The following KIAA1217 variants were observed in gnomAD, a reference collection of about 807,000 sequenced individuals.
KIAA1217 encodes sickle tail protein homolog.
Under a neutral mutation model 163.9 loss-of-function variants are expected in KIAA1217, and 88 were observed. The observed-to-expected ratio is 0.54, with a 90% confidence interval of 0.45 to 0.64. The LOEUF is 0.64. KIAA1217 is among the 30% of genes least tolerant of loss of function. The pLI is 0.00. For synonymous variants in KIAA1217, 903 were observed against 923.1 expected (o/e 0.98, Z 0.39); for missense variants, 2,372 against 2,475.0 (o/e 0.96, Z 0.88).
chr10:24,350,455 T>C (rs2048320215), intron 2 of KIAA1217, among the ~76,000 whole-genome samples: 1 of 152,194 alleles, frequency 6.6e-6, no homozygotes, highest in Non-Finnish European at 1.5e-5. Context: ...TCTCAGACAA[T>C]ATCATAGATA....
Position 24,382,964 on chromosome 10 carries a change from C to T in KIAA1217, c.553+1897C>T, listed in dbSNP as rs368056419. Among the ~76,000 whole-genome samples the T allele has an allele frequency of 2.1e-4, 32 of 151,480 alleles. No homozygotes were observed. In the East Asian group the frequency reaches 3.3e-3, roughly 16 times the overall value. ...CCACGTTCAAGGGATCCTCCCATCT[C>T]AGCCTTCAGAGTAGATGGGACTACA... On this transcript the variant is annotated intron_variant, in intron 3 of 20. Coordinates refer to ENST00000376454, the MANE Select transcript of KIAA1217 (RefSeq NM_019590.5).
chr10:23,826,202 G>GT (rs756294630), intron 1 of KIAA1217, among the ~76,000 whole-genome samples: 11 of 151,926 alleles, frequency 7.2e-5, no homozygotes, highest in Non-Finnish European at 1.6e-4. Context: ...AAAAAAAAGT[G>GT]TAAGTAGTTA....
chr10:23,735,655 G>T (rs2130797975), intron 1 of KIAA1217, among the ~76,000 whole-genome samples: 1 of 151,180 alleles, frequency 6.6e-6, no homozygotes, highest in South Asian at 2.1e-4. Flanking sequence ...ATTCTCATTG[G>T]GCTCAATGAG....
chr10:24,053,865 C>A (rs905434309), intron 2 of KIAA1217, among the ~76,000 whole-genome samples: 10 of 151,952 alleles, frequency 6.6e-5, no homozygotes, highest in Non-Finnish European at 1.5e-4. Context: ...AATATGAGTT[C>A]ACCAGGTAGA....
chr10:23,699,253 G>C (rs921857390), intron 1 of KIAA1217, among the ~76,000 whole-genome samples: 1 of 152,220 alleles, frequency 6.6e-6, no homozygotes, highest in Non-Finnish European at 1.5e-5. Context: ...AGTCAGTGAA[G>C]CTTGGACTGG....
chr10:23,699,537 G>A (rs1158078108), intron 1 of KIAA1217, among the ~76,000 whole-genome samples: 2 of 152,190 alleles, frequency 1.3e-5, no homozygotes, highest in Non-Finnish European at 2.9e-5. Flanking sequence ...TCTGGAAGGA[G>A]GCACCTGTGT....
intron 1 of KIAA1217, among the ~76,000 whole-genome samples, chr10:23,756,278 AG>A (rs1833915786): frequency 6.6e-6 from 1 of 152,112 alleles, no homozygotes; most frequent in African/African-American, 2.4e-5. Context: ...CCTATTTTAA[AG>A]AAGTATAAGG....
At position 23,790,382 on chromosome 10, in the gene KIAA1217, TATACATATGTATATATACATATATAC is replaced by T. The variant is rs1564423227; in HGVS notation, c.-321+95152_-321+95177del. Among the ~76,000 whole-genome samples, 9 of 92,776 alleles carry T rather than the reference TATACATATGTATATATACATATATAC, an allele frequency of 9.7e-5. 3 individuals carry two copies. The highest frequency in any genetic ancestry group is 2.0e-4 in the African/African-American group (5 of 24,618). The allele number at this position is 92,776 out of a possible 152,430, so 60.9% of individuals were successfully genotyped here. A position where few individuals can be genotyped will look rare whatever the true frequency, so the allele number is the denominator to read the frequency against. On this transcript the variant is annotated intron_variant, in intron 1 of 18. Transcript: ENST00000376462. ...GCATATATACATATACATATGTATA[TATACATATGTATATATACATATATAC>T]ATATACATATATACATATATACATA...
intron 1 of KIAA1217, among the ~76,000 whole-genome samples, chr10:23,775,846 A>C (rs911621474): frequency 3.9e-5 from 6 of 152,178 alleles, no homozygotes; most frequent in African/African-American, 1.4e-4. Flanking sequence ...TCCATCACAG[A>C]CTTTTTTTCC....
At chr10:24,540,391 G>A (rs930823246) in intron 17 of KIAA1217, among the ~76,000 whole-genome samples, 6 of 151,986 alleles carry the variant, frequency 3.9e-5, no homozygotes, top group Admixed American at 6.5e-5. Flanking sequence ...GTGCCACCAC[G>A]CCTGGCTAAT....
chr10:23,718,678 A>C lies in KIAA1217; in HGVS notation c.-321+23444A>C, dbSNP rs529662046. On this transcript the variant is annotated intron_variant, in intron 1 of 18. Transcript: ENST00000376462. ...ACAGAGATCTGTTTAGTGAAAAAAC[A>C]TAAGTGATAGGATTTCTCTTTGTTA... 3.8e-4 allele frequency among the ~76,000 whole-genome samples: 58 copies of C among 152,310 alleles called. 2 individuals carry two copies. In the South Asian group the frequency reaches 0.012, roughly 30 times the overall value.
At chr10:24,239,484 G>C (rs1387109487) in intron 2 of KIAA1217, 2 of 140,346 alleles carry the variant, frequency 1.4e-5, no homozygotes, top group African/African-American at 5.8e-5. Context: ...CTAAAGGGCT[G>C]TTTTTAAGGG....
chr10:23,885,985 C>T (rs917243579), intron 1 of KIAA1217, among the ~76,000 whole-genome samples: 8 of 151,838 alleles, frequency 5.3e-5, no homozygotes, highest in Non-Finnish European at 7.4e-5. Context: ...AGAGTTACTT[C>T]CCATCATCAC....
intron 2 of KIAA1217, among the ~76,000 whole-genome samples, chr10:24,320,726 A>G (rs563930652): frequency 6.6e-6 from 1 of 152,128 alleles, no homozygotes; most frequent in Admixed American, 6.5e-5. Context: ...TTTCATTCTC[A>G]TAAGTCACCT....
At chr10:24,030,348 G>A (rs938845039) in intron 2 of KIAA1217, among the ~76,000 whole-genome samples, 26 of 152,024 alleles carry the variant, frequency 1.7e-4, no homozygotes, top group Non-Finnish European at 3.2e-4. Flanking sequence ...CTGTTCTCAT[G>A]ATAATGAGGG....
chr10:24,265,340 G>GTAGT (rs1490624822), intron 2 of KIAA1217, among the ~76,000 whole-genome samples: 48 of 152,210 alleles, frequency 3.2e-4, no homozygotes, highest in Non-Finnish European at 4.7e-4. Flanking sequence ...ATGTATGTAT[G>GTAGT]TAGTCCTTTG....
At chr10:23,895,020 C>T (rs999494466) in intron 1 of KIAA1217, among the ~76,000 whole-genome samples, 3 of 152,114 alleles carry the variant, frequency 2.0e-5, no homozygotes, top group African/African-American at 7.2e-5. Context: ...AAACGTTGGA[C>T]CTAAAACCAT....
rs75183766 is a variant in KIAA1217, at chr10:24,472,023, A to G, written c.847-1205A>G. On this transcript the variant is annotated intron_variant, in intron 5 of 20. Transcript: ENST00000376454. ...TTAACGCATAGCTTGAATGTTATAT[A>G]TATTATATACTGTATTCACATAATC... Among the ~76,000 whole-genome samples the G allele has an allele frequency of 5.8e-4, 88 of 152,324 alleles. 1 individual carries two copies. In the East Asian group the frequency reaches 0.013, roughly 23 times the overall value.
At chr10:24,030,351 A>T (rs149965047) in intron 2 of KIAA1217, among the ~76,000 whole-genome samples, 4 of 151,982 alleles carry the variant, frequency 2.6e-5, no homozygotes, top group Admixed American at 1.3e-4. Context: ...TTCTCATGAT[A>T]ATGAGGGAGT....
Sources: allele counts gnomAD v4.1 joint callset (sites outside exome capture counted in the v4.1 genomes callset), GRCh38; gene constraint gnomAD v4.1.1; transcripts MANE v1.5; gene names NCBI Gene and HGNC (gene_info 2026-07-23, HGNC 2026-07-21).